ERCC4: variants seen among roughly 807,000 people sequenced by gnomAD.
ERCC4 encodes ERCC excision repair 4, endonuclease catalytic subunit.
Under a neutral mutation model 76.9 loss-of-function variants are expected in ERCC4, and 65 were observed. The ratio of observed to expected loss-of-function variants is 0.84; its 90% confidence interval spans 0.69 to 1.04. The LOEUF (loss-of-function observed/expected upper bound fraction) is 1.04. Ranked by LOEUF, ERCC4 falls within the 50% of genes least tolerant of loss-of-function variation. ERCC4 has a pLI of 0.00. For synonymous variants in ERCC4, 463 were observed against 410.1 expected (o/e 1.13, Z -1.56); for missense variants, 1,214 against 1,128.2 (o/e 1.08, Z -1.09).
chr16:13,941,018 A>G (rs2032403019), intron 9 of ERCC4, among the ~76,000 whole-genome samples: 1 of 152,186 alleles, frequency 6.6e-6, no homozygotes, highest in Non-Finnish European at 1.5e-5. Flanking sequence ...AGGGAATCTA[A>G]TCTAGAAAAG....
rs757931216 is a variant in ERCC4, at chr16:13,948,076, C to A, written c.2480C>A (p.Thr827Lys). 1.9e-6 allele frequency: 3 copies of A among 1,614,160 alleles called. No individual in the cohort carries two copies. Among genetic ancestry groups the A allele is most frequent in the Non-Finnish European group, 2.5e-6 (3 of 1,180,034 alleles). The change falls in exon 11 of 11, where the codon ACA becomes AAA. Residue 827 changes from threonine to lysine, a missense_variant. By Grantham distance (78) the Thr-to-Lys change is moderately conservative. Coordinates refer to ENST00000311895, the MANE Select transcript of ERCC4 (RefSeq NM_005236.3). ...AGCAAGCCACAGCCTGATGCGGCGACAGCACTGGCCATTACAGCAGATTCT... is the reference window on the plus strand; with the variant it reads ...AGCAAGCCACAGCCTGATGCGGCGAAAGCACTGGCCATTACAGCAGATTCT... ...KQSKPQPDAA[T>K]ALAITADSET... is the part of the protein sequence containing the mutation.
Position 13,935,384 on chromosome 16 carries a change from C to G in ERCC4, c.1452C>G (p.Thr484=), listed in dbSNP as rs1420641422. ...NKERASTKER[T]LKKKKRKLTL... is the part of the protein sequence containing the mutation. ...AACGGGCTTCTACCAAAGAAAGAAC[C>G]CTCAAAAAGAAAAAACGGAAGTTGA... The change falls in exon 8 of 11, where the codon ACC becomes ACG. Residue 484 remains threonine, a synonymous_variant. Coordinates refer to ENST00000311895, the MANE Select transcript of ERCC4 (RefSeq NM_005236.3). The G allele has an allele frequency of 6.2e-7, 1 of 1,607,300 alleles. No homozygotes were observed.
intron 2 of ERCC4, among the ~76,000 whole-genome samples, chr16:13,926,208 T>C (rs1249240054): frequency 6.6e-6 from 1 of 152,180 alleles, no homozygotes; most frequent in Non-Finnish European, 1.5e-5. Context: ...GTGCCCTCAC[T>C]GTCCCCTCAG....
Position 13,928,201 on chromosome 16 carries a change from C to G in ERCC4, c.758C>G (p.Ser253Cys). ...CCATCGCTTGAAGTGGAAGATTTATCTTTAGAAAATGCTATTGGAAAACCT... is the reference window on the plus strand; with the variant it reads ...CCATCGCTTGAAGTGGAAGATTTATGTTTAGAAAATGCTATTGGAAAACCT... ...HNPSLEVEDL[S>C]LENAIGKPFD... Residue 253 changes from serine to cysteine, a missense_variant, in exon 4 of 11, where the codon TCT becomes TGT. By Grantham distance (112) the Ser-to-Cys change is moderately radical (BLOSUM62 -1). Coordinates refer to ENST00000311895, the MANE Select transcript of ERCC4 (RefSeq NM_005236.3). The G allele has an allele frequency of 1.2e-6, 2 of 1,613,456 alleles. No individual in the cohort carries two copies. The highest frequency in any genetic ancestry group is 3.3e-4 in the Middle Eastern group (2 of 6,052).
chr16:13,925,333 A>G (rs770067337), intron 2 of ERCC4, among the ~76,000 whole-genome samples: 11 of 152,184 alleles, frequency 7.2e-5, no homozygotes, highest in Non-Finnish European at 1.5e-4. Context: ...ATTTCAATCC[A>G]GGCTAACAAA....
At chr16:13,924,006 A>C (rs967583478) in intron 2 of ERCC4, among the ~76,000 whole-genome samples, 1 of 152,228 alleles carries the variant, frequency 6.6e-6, no homozygotes, top group Non-Finnish European at 1.5e-5. Context: ...CTCCTAATGA[A>C]AAATGCCAAA....
Position 13,922,099 on chromosome 16 carries a change from C to CA in ERCC4, c.277dup (p.Thr93AsnfsTer7). The CA allele has an allele frequency of 6.2e-7, 1 of 1,613,624 alleles. No homozygotes were observed. Among genetic ancestry groups the CA allele is most frequent in the Non-Finnish European group, 8.5e-7 (1 of 1,179,630 alleles). The stretch of plus-strand genomic sequence containing the variant: ...TCCCTCGCCGTGTAACAAATGAAAT[C>CA]ACAAGCAACAGTCGCTATGAAGTTT... On this transcript the variant is annotated frameshift_variant, in exon 2 of 11. Coordinates refer to ENST00000311895, the MANE Select transcript of ERCC4 (RefSeq NM_005236.3). LOFTEE classifies it high-confidence loss of function.
At chr16:13,934,444 T>C (rs2032243430) in intron 7 of ERCC4, 142 bp downstream of exon 7, 2 of 692,992 alleles carry the variant, frequency 2.9e-6, no homozygotes, top group East Asian at 2.5e-5. Flanking sequence ...TGCTATTTTA[T>C]CTATAAAATG....
intron 9 of ERCC4, among the ~76,000 whole-genome samples, chr16:13,938,233 T>A (rs1023736779): frequency 2.0e-5 from 3 of 152,182 alleles, no homozygotes; most frequent in Non-Finnish European, 4.4e-5. Context: ...GCACAATATG[T>A]CCTTGGGTGG....
At position 13,923,252 on chromosome 16, in the gene ERCC4, C is replaced by T. The variant is rs546002455; in HGVS notation, c.388+1041C>T. ...CACTACATTATATTTATGTGTTTGT[C>T]TATCTCACTCACAAGATAAGCTGAA... On this transcript the variant is annotated intron_variant, in intron 2 of 10. Coordinates refer to ENST00000311895, the MANE Select transcript of ERCC4 (RefSeq NM_005236.3). Among the ~76,000 whole-genome samples the T allele has an allele frequency of 3.3e-5, 5 of 152,326 alleles. No homozygotes were observed. The South Asian group carries it at 1.0e-3, about 32-fold the overall frequency.
rs762059602 is a variant in ERCC4 at position 13,944,736 on chromosome 16, A to G, written c.1918A>G (p.Met640Val). Residue 640 changes from methionine to valine, a missense_variant, in exon 10 of 11, where the codon ATG becomes GTG. Coordinates refer to ENST00000311895, the MANE Select transcript of ERCC4 (RefSeq NM_005236.3). ...TTTCTCCCACAGGGAAAAAGCAAGCATGGTTGTCCCTGAAGAAAGAGAAGG... is the reference window on the plus strand; with the variant it reads ...TTTCTCCCACAGGGAAAAAGCAAGCGTGGTTGTCCCTGAAGAAAGAGAAGG... ...FEKLIREKAS[M>V]VVPEEREGRD... is the part of the protein sequence containing the mutation. 1 of 1,612,512 alleles carries G rather than the reference A, an allele frequency of 6.2e-7. No homozygotes were observed. The highest frequency in any genetic ancestry group is 8.5e-7 in the Non-Finnish European group (1 of 1,178,498).
Position 13,944,847 on chromosome 16 carries a change from A to ACCGG in ERCC4, c.2017+13_2017+14insCGGC. Reference sequence around the variant, plus strand: ...CACTCGGAAAGCCGGTGAGTCCTGCACTTTGTCAGGCACCTCCATTGCCTG... The same window carrying ACCGG: ...CACTCGGAAAGCCGGTGAGTCCTGCACCGGCTTTGTCAGGCACCTCCATTGCCTG... On this transcript the variant is annotated intron_variant, in intron 10 of 10. Transcript: ENST00000311895. 6.5e-7 allele frequency: 1 copy of ACCGG among 1,530,678 alleles called. No individual in the cohort carries two copies. Among genetic ancestry groups the ACCGG allele is most frequent in the Non-Finnish European group, 9.1e-7 (1 of 1,104,108 alleles). The allele number at this position is 1,530,678 out of a possible 1,614,324, so 94.8% of individuals were successfully genotyped here.
Position 13,926,810 on chromosome 16 carries a change from T to G in ERCC4, c.584+54T>G, listed in dbSNP as rs1029139919. The G allele has an allele frequency of 1.3e-5, 17 of 1,349,926 alleles. No homozygotes were observed. In the African/African-American group the frequency reaches 2.4e-4, roughly 19 times the overall value. The allele number at this position is 1,349,926 out of a possible 1,614,324, so 83.6% of individuals were successfully genotyped here. On this transcript the variant is annotated intron_variant, in intron 3 of 10. Coordinates refer to ENST00000311895, the MANE Select transcript of ERCC4 (RefSeq NM_005236.3). ...TGACATTATTTGTCATCTTTGTTTG[T>G]GAGATCTACTGTAACTTAGTTGCAC...
At chr16:13,942,022 C>T (rs888399845) in intron 9 of ERCC4, among the ~76,000 whole-genome samples, 1 of 152,108 alleles carries the variant, frequency 6.6e-6, no homozygotes, top group Non-Finnish European at 1.5e-5. Flanking sequence ...AGCTCAAGAC[C>T]ACCATGGGCA....
chr16:13,951,509 G>A lies in ERCC4; in HGVS notation c.*3162G>A, dbSNP rs2032629463. On this transcript the variant is annotated 3_prime_UTR_variant, in exon 11 of 11. Transcript: ENST00000311895. ...AGTGGTCATAAATATTATCCTTTTGGCAGTAAGCTATTACTAATTCAGCCT... is the reference window on the plus strand; with the variant it reads ...AGTGGTCATAAATATTATCCTTTTGACAGTAAGCTATTACTAATTCAGCCT... 2 of 210,842 alleles carry A rather than the reference G, an allele frequency of 9.5e-6. No individual in the cohort carries two copies. Among genetic ancestry groups the A allele is most frequent in the Admixed American group, 1.2e-4 (2 of 17,010 alleles). The allele number at this position is 210,842 out of a possible 1,614,324, so 13.1% of individuals were successfully genotyped here. A position where few individuals can be genotyped will look rare whatever the true frequency, so the allele number is the denominator to read the frequency against.
chr16:13,939,070 A>G (rs963359729), intron 9 of ERCC4, among the ~76,000 whole-genome samples: 3 of 152,122 alleles, frequency 2.0e-5, no homozygotes, highest in African/African-American at 2.4e-5. Flanking sequence ...AGTGTGCTCT[A>G]TGGGATTGTT....
intron 9 of ERCC4, 138 bp downstream of exon 9, chr16:13,937,996 T>G: frequency 1.5e-6 from 1 of 683,072 alleles, no homozygotes; most frequent in Non-Finnish European, 2.6e-6. Context: ...ACCTGTGGTC[T>G]GAATTGTCCT....
chr16:13,945,969 G>A (rs747973988), intron 10 of ERCC4, among the ~76,000 whole-genome samples: 12 of 152,214 alleles, frequency 7.9e-5, no homozygotes, highest in Admixed American at 2.6e-4. Flanking sequence ...CAGGTTCAAA[G>A]TCCAAATGGG....
At position 13,935,346 on chromosome 16, in the gene ERCC4, C is replaced by T; in HGVS notation, c.1414C>T (p.Pro472Ser). Reference protein sequence around the residue: ...IRKSHKRPKDPQNKERASTKE... With the variant: ...IRKSHKRPKDSQNKERASTKE... ...GAAATCTCACAAAAGACCTAAAGAC[C>T]CCCAAAACAAAGAACGGGCTTCTAC... Residue 472 changes from proline to serine, a missense_variant, in exon 8 of 11, where the codon CCC becomes TCC. By Grantham distance (74) the Pro-to-Ser change is moderately conservative. Transcript: ENST00000311895. The T allele has an allele frequency of 6.2e-7, 1 of 1,610,136 alleles. No individual in the cohort carries two copies.
Sources: allele counts gnomAD v4.1 joint callset (sites outside exome capture counted in the v4.1 genomes callset), GRCh38; gene constraint gnomAD v4.1.1; transcripts MANE v1.5; gene names NCBI Gene and HGNC (gene_info 2026-07-23, HGNC 2026-07-21).